RBMS3: variants seen among roughly 807,000 people sequenced by gnomAD.
The protein encoded by RBMS3 is RNA binding motif single stranded interacting protein 3, also known as RNA-binding motif, single-stranded-interacting protein 3.
RBMS3 carries 27 observed loss-of-function variants against 66.8 expected under a neutral mutation model. The observed-to-expected ratio is 0.40, with a 90% confidence interval of 0.30 to 0.56. RBMS3 has a LOEUF of 0.56. Ranked by LOEUF, RBMS3 falls within the 20% of genes least tolerant of loss-of-function variation. The pLI is 0.40. For synonymous variants in RBMS3, 188 were observed against 183.0 expected (o/e 1.03, Z -0.22); for missense variants, 513 against 549.5 (o/e 0.93, Z 0.66).
chr3:29,666,943 G>C (rs2050788796), intron 4 of RBMS3, among the ~76,000 whole-genome samples: 1 of 151,988 alleles, frequency 6.6e-6, no homozygotes, highest in Admixed American at 6.6e-5. Flanking sequence ...TTAAGTTCAA[G>C]GATTATCTTG....
chr3:29,295,344 T>TACACAC (rs1230884878), intron 1 of RBMS3, among the ~76,000 whole-genome samples: 1 of 143,822 alleles, frequency 7.0e-6, no homozygotes, highest in East Asian at 2.0e-4. Context: ...CATATATATA[T>TACACAC]ACATATATAT....
chr3:29,694,869 A>T (rs1371475387), intron 4 of RBMS3, among the ~76,000 whole-genome samples: 1 of 151,860 alleles, frequency 6.6e-6, no homozygotes, highest in Non-Finnish European at 1.5e-5. Flanking sequence ...TTTAAAAAAA[A>T]AATACAAGGC....
At chr3:29,816,833 T>C (rs1284336962) in intron 6 of RBMS3, among the ~76,000 whole-genome samples, 1 of 152,140 alleles carries the variant, frequency 6.6e-6, no homozygotes, top group Non-Finnish European at 1.5e-5. Context: ...GGCTCACGAC[T>C]GTAATTCCAG....
chr3:29,396,077 C>G (rs35756020), intron 1 of RBMS3, among the ~76,000 whole-genome samples: 18,568 of 152,060 alleles, frequency 0.12, 1,602 homozygotes, highest in Admixed American at 0.28. Flanking sequence ...AGGTGATGAA[C>G]ATCAACAATG....
At chr3:29,665,536 G>A (rs996550250) in intron 4 of RBMS3, among the ~76,000 whole-genome samples, 2 of 151,866 alleles carry the variant, frequency 1.3e-5, no homozygotes, top group African/African-American at 2.4e-5. Flanking sequence ...GTCAGGAATC[G>A]TGTCACGAAC....
intron 10 of RBMS3, among the ~76,000 whole-genome samples, chr3:29,920,450 A>C (rs1008424224): frequency 1.3e-5 from 2 of 152,176 alleles, no homozygotes; most frequent in African/African-American, 2.4e-5. Flanking sequence ...GTAAATAAAA[A>C]GTTTTCTGTT....
chr3:29,428,818 G>T (rs2041067178), intron 1 of RBMS3, among the ~76,000 whole-genome samples: 3 of 152,152 alleles, frequency 2.0e-5, no homozygotes. Context: ...GACAGTATTT[G>T]AAAAACTCAT....
chr3:29,432,927 G>C (rs1321354362), intron 1 of RBMS3, among the ~76,000 whole-genome samples: 1 of 152,096 alleles, frequency 6.6e-6, no homozygotes, highest in Non-Finnish European at 1.5e-5. Flanking sequence ...TTTGTAATAA[G>C]TTTGGTGGGA....
intron 6 of RBMS3, among the ~76,000 whole-genome samples, chr3:29,822,531 C>A (rs574969763): frequency 6.6e-6 from 1 of 152,056 alleles, no homozygotes; most frequent in African/African-American, 2.4e-5. Flanking sequence ...GGAGACACTT[C>A]GATTATTTTG....
chr3:29,524,928 G>A (rs2045033556), intron 3 of RBMS3, among the ~76,000 whole-genome samples: 2 of 152,100 alleles, frequency 1.3e-5, no homozygotes, highest in South Asian at 2.1e-4. Context: ...GTGGTGGCAT[G>A]CATCTGTGGT....
intron 1 of RBMS3, among the ~76,000 whole-genome samples, chr3:29,363,870 T>A (rs1053261402): frequency 7.3e-5 from 11 of 150,058 alleles, no homozygotes; most frequent in Middle Eastern, 3.2e-3. Flanking sequence ...TTGATAAAAA[T>A]TTTTTTTTGC....
intron 4 of RBMS3, among the ~76,000 whole-genome samples, chr3:29,670,762 C>A (rs2050962927): frequency 6.6e-6 from 1 of 152,192 alleles, no homozygotes; most frequent in Non-Finnish European, 1.5e-5. Flanking sequence ...GAAGCTCCAA[C>A]TGGGTGGAGC....
intron 1 of RBMS3, among the ~76,000 whole-genome samples, chr3:29,320,697 CATAAG>C (rs916197791): frequency 6.6e-6 from 1 of 151,914 alleles, no homozygotes; most frequent in African/African-American, 2.4e-5. Flanking sequence ...AGCTTGGAGT[CATAAG>C]AGATGTATTA....
intron 3 of RBMS3, among the ~76,000 whole-genome samples, chr3:29,549,880 A>T (rs555474690): frequency 1.3e-5 from 2 of 152,120 alleles, no homozygotes; most frequent in African/African-American, 4.8e-5. Context: ...GTTCCCTGGC[A>T]GATGGTCATA....
At chr3:29,556,790 C>G (rs1207925077) in intron 3 of RBMS3, among the ~76,000 whole-genome samples, 1 of 152,126 alleles carries the variant, frequency 6.6e-6, no homozygotes, top group Non-Finnish European at 1.5e-5. Context: ...GTTACTGGAG[C>G]TGCTTTGCCT....
chr3:29,672,236 T>C (rs1458074959), intron 4 of RBMS3, among the ~76,000 whole-genome samples: 1 of 152,182 alleles, frequency 6.6e-6, no homozygotes, highest in Non-Finnish European at 1.5e-5. Flanking sequence ...AAGCAAATGC[T>C]GAGAGATTTT....
intron 1 of RBMS3, among the ~76,000 whole-genome samples, chr3:29,424,420 G>A (rs2040862115): frequency 1.3e-5 from 2 of 152,132 alleles, no homozygotes; most frequent in South Asian, 4.1e-4. Context: ...TCAGATGCAG[G>A]GAAGATAACA....
chr3:29,697,660 G>C (rs1276752238), intron 4 of RBMS3, among the ~76,000 whole-genome samples: 2 of 152,132 alleles, frequency 1.3e-5, no homozygotes, highest in African/African-American at 4.8e-5. Flanking sequence ...TCTGGGTATG[G>C]GACCCATGTC....
At chr3:29,563,661 C>T (rs1237311525) in intron 3 of RBMS3, among the ~76,000 whole-genome samples, 1 of 151,896 alleles carries the variant, frequency 6.6e-6, no homozygotes, top group Non-Finnish European at 1.5e-5. Context: ...TACAAGACAC[C>T]AAAAAATAAC....
Sources: allele counts gnomAD v4.1 joint callset (sites outside exome capture counted in the v4.1 genomes callset), GRCh38; gene constraint gnomAD v4.1.1; transcripts MANE v1.5; gene names NCBI Gene and HGNC (gene_info 2026-07-23, HGNC 2026-07-21).